The following PDXDC1 variants were observed in gnomAD, a reference collection of about 807,000 sequenced individuals.
The protein encoded by PDXDC1 is pyridoxal-dependent decarboxylase domain-containing protein 1.
PDXDC1 carries 42 observed loss-of-function variants against 100.1 expected under a neutral mutation model. The observed-to-expected ratio is 0.42, with a 90% CI of 0.33 to 0.54. PDXDC1 has a LOEUF of 0.54. Among genes scored for constraint, PDXDC1 ranks in the 20% least tolerant of loss-of-function variants. PDXDC1 has a pLI of 0.10. For synonymous variants in PDXDC1, 260 were observed against 371.7 expected (o/e 0.70, Z 3.46); for missense variants, 636 against 979.2 (o/e 0.65, Z 4.68).
At chr16:15,034,250 C>G (rs1382101904) in intron 19 of PDXDC1, 36 bp from the exon 20 acceptor site, 1 of 1,598,120 alleles carries the variant, frequency 6.3e-7, no homozygotes, top group Non-Finnish European at 8.6e-7. Context: ...AGGTGAGAAC[C>G]TTAAACAAGT....
chr16:15,010,944 C>T (rs370965710), intron 8 of PDXDC1, among the ~76,000 whole-genome samples: 17 of 152,412 alleles, frequency 1.1e-4, no homozygotes, highest in African/African-American at 4.1e-4. Context: ...CAAGAAGACC[C>T]AAGAACGATA....
At chr16:15,054,962 C>A (rs1597828012) in intron 16 of PDXDC1, among the ~76,000 whole-genome samples, 1 of 152,258 alleles carries the variant, frequency 6.6e-6, no homozygotes, top group East Asian at 1.9e-4. Context: ...AAAGGGGACG[C>A]TTTTTCTTTA....
intron 6 of PDXDC1, among the ~76,000 whole-genome samples, chr16:15,008,026 C>T (rs2040931605): frequency 6.6e-6 from 1 of 152,258 alleles, no homozygotes; most frequent in Admixed American, 6.5e-5. Context: ...GGATTGGTGG[C>T]TTATAGGGTA....
At chr16:15,134,936 G>T (rs1018932798) in intron 16 of PDXDC1, 9 of 388,246 alleles carry the variant, frequency 2.3e-5, no homozygotes, top group South Asian at 6.6e-5. Flanking sequence ...AGAGTGGGGA[G>T]CGTGAGGGTG....
chr16:15,117,764 G>A (rs1290262729), intron 16 of PDXDC1, among the ~76,000 whole-genome samples: 6 of 96,680 alleles, frequency 6.2e-5, no homozygotes, highest in Admixed American at 3.5e-4. Context: ...TCAGGACTAA[G>A]TGGCATAGAG....
intron 16 of PDXDC1, chr16:15,094,190 G>A (rs769280987): frequency 1.2e-6 from 2 of 1,601,166 alleles, no homozygotes; most frequent in South Asian, 2.3e-5. Context: ...GGACGAAGCG[G>A]CCGCATCTCC....
At chr16:15,104,727 G>T in intron 16 of PDXDC1, 1 of 1,597,338 alleles carries the variant, frequency 6.3e-7, no homozygotes, top group Non-Finnish European at 8.5e-7. Flanking sequence ...CAATCCTGAA[G>T]AATGACGATG....
intron 6 of PDXDC1, among the ~76,000 whole-genome samples, chr16:15,008,545 T>C (rs1433658955): frequency 1.3e-5 from 2 of 152,262 alleles, no homozygotes; most frequent in East Asian, 1.9e-4. Context: ...ACTTGAATCA[T>C]TTAGAAAATT....
intron 16 of PDXDC1, among the ~76,000 whole-genome samples, chr16:15,073,524 A>T (rs1032148567): frequency 2.0e-5 from 3 of 152,228 alleles, no homozygotes; most frequent in Admixed American, 2.0e-4. Context: ...CTTTTAGTTT[A>T]CACAGATTTT....
downstream of PDXDC1, among the ~76,000 whole-genome samples, chr16:15,144,127 G>A (rs1312492612): frequency 6.6e-6 from 1 of 152,142 alleles, no homozygotes; most frequent in Admixed American, 6.5e-5. Context: ...CGCCCAGCAA[G>A]AGGACCCCCA....
At chr16:15,052,802 GTGAC>G (rs1567773660) in intron 16 of PDXDC1, among the ~76,000 whole-genome samples, 1 of 151,986 alleles carries the variant, frequency 6.6e-6, no homozygotes, top group Non-Finnish European at 1.5e-5. Context: ...TCCAGCCTGG[GTGAC>G]AGAGCAAGGC....
At chr16:15,124,923 CG>C (rs1176002446) in intron 16 of PDXDC1, among the ~76,000 whole-genome samples, 1 of 151,234 alleles carries the variant, frequency 6.6e-6, no homozygotes, top group Non-Finnish European at 1.5e-5. Context: ...CTGAGGCAGG[CG>C]GATCACGAGG....
chr16:15,144,288 C>T (rs1352910475), downstream of PDXDC1, among the ~76,000 whole-genome samples: 3 of 152,240 alleles, frequency 2.0e-5, no homozygotes, highest in Non-Finnish European at 4.4e-5. Context: ...TTTCCCTCTG[C>T]GCTGTGCTCC....
At chr16:15,083,726 T>A in intron 16 of PDXDC1, 1 of 1,224,142 alleles carries the variant, frequency 8.2e-7, no homozygotes, top group Non-Finnish European at 1.1e-6. Context: ...GAACTTTTTT[T>A]GTTTTTTGAG....
chr16:15,131,342 T>C (rs2048048118), intron 16 of PDXDC1: 1 of 1,552,586 alleles, frequency 6.4e-7, no homozygotes, highest in Admixed American at 1.7e-5. Flanking sequence ...GTGGAGACGG[T>C]GTAGTTGCTG....
chr16:15,117,189 G>A (rs1357979974), intron 16 of PDXDC1, among the ~76,000 whole-genome samples: 1 of 6,356 alleles, frequency 1.6e-4, no homozygotes, highest in Non-Finnish European at 3.5e-4. Context: ...AGAATCGCTC[G>A]AACCTGGGAA....
intron 19 of PDXDC1, 134 bp from the exon 20 acceptor site, chr16:15,034,152 G>A (rs529297364): frequency 2.7e-5 from 19 of 713,100 alleles, no homozygotes; most frequent in African/African-American, 8.8e-5. Context: ...GTTTCTGTTC[G>A]TTTTACGCCG....
At chr16:15,142,940 C>A (rs2048497452), downstream of PDXDC1, among the ~76,000 whole-genome samples, 1 of 152,138 alleles carries the variant, frequency 6.6e-6, no homozygotes, top group African/African-American at 2.4e-5. Context: ...GGGTCCCAAG[C>A]CCTTGCTGCC....
Position 15,019,607 on chromosome 16 carries a change from C to T in PDXDC1, c.1089+642C>T, listed in dbSNP as rs571788616. 1.2e-4 allele frequency among the ~76,000 whole-genome samples: 18 copies of T among 152,410 alleles called. No homozygotes were observed. In the East Asian group the frequency reaches 2.9e-3, roughly 24 times the overall value. ...GTGCCAGGAGATTCCATGTCGGGCC[C>T]GTTCCTCATAGATAGTGCCTTGCAT... On this transcript the variant is annotated intron_variant, in intron 12 of 22. Transcript: ENST00000396410.
Sources: gnomAD v4.1 joint callset for allele counts (sites outside exome capture counted in the v4.1 genomes callset) on GRCh38, gnomAD v4.1.1 for gene constraint, MANE v1.5 for transcripts, NCBI Gene and HGNC (gene_info 2026-07-23, HGNC 2026-07-21) for gene names.